The following CBY1 variants were observed in gnomAD, a reference collection of about 807,000 sequenced individuals.
The protein encoded by CBY1 is chibby 1, beta catenin antagonist.
A neutral mutation model predicts 15.6 loss-of-function variants in CBY1; 10 were observed. That is an observed-to-expected ratio of 0.64 (90% confidence interval 0.40 to 1.09). The LOEUF (loss-of-function observed/expected upper bound fraction) is 1.09, where lower values mean the gene tolerates loss of function less well. Among genes scored for constraint, CBY1 ranks in the 50% least tolerant of loss-of-function variants. The probability of loss-of-function intolerance (pLI) is 0.01; values close to 1 mark genes in which losing one functional copy is unlikely to be tolerated. For missense variants in CBY1, 150 were observed against 160.5 expected, an observed-to-expected ratio of 0.93 and a Z score of 0.35; for synonymous variants, 61 against 63.5, an observed-to-expected ratio of 0.96 and a Z score of 0.19.
chr22:38,666,235 T>A (rs55726721), intron 1 of CBY1, among the ~76,000 whole-genome samples: 19,598 of 121,106 alleles, frequency 0.16, 1,397 homozygotes, highest in Non-Finnish European at 0.19. Context: ...ATATATATAT[T>A]TTTTTTTCTT....
intron 1 of CBY1, among the ~76,000 whole-genome samples, chr22:38,662,301 C>CAA (rs34580405): frequency 0.29 from 38,517 of 132,380 alleles, 5,277 homozygotes; most frequent in East Asian, 0.37. Context: ...GACTCTGTCT[C>CAA]AAAAAAAAAA....
At chr22:38,673,097 T>C in intron 4 of CBY1, 62 bp from the exon 5 acceptor site, 1 of 1,237,882 alleles carries the variant, frequency 8.1e-7, no homozygotes, top group Non-Finnish European at 1.2e-6. Context: ...GGGCCGGCCT[T>C]GCTAACCCGA....
chr22:38,670,698 T>A, intron 2 of CBY1, 186 bp from the exon 3 acceptor site: 1 of 574,994 alleles, frequency 1.7e-6, no homozygotes, highest in Non-Finnish European at 3.1e-6. Context: ...AAACAGTATA[T>A]TTTTTATCTC....
In CBY1 at chr22:38,671,908, A is replaced by T. The variant is rs942631262; in HGVS notation, c.303+720A>T. Reference sequence around the variant, plus strand: ...GGAGGCTAAGACAGGAGGATGGCTTAACCTCAGGAGTTTGAGAGCAGCCTT... The same window carrying T: ...GGAGGCTAAGACAGGAGGATGGCTTTACCTCAGGAGTTTGAGAGCAGCCTT... On this transcript the variant is annotated intron_variant, in intron 4 of 4. Coordinates refer to ENST00000216029, the MANE Select transcript of CBY1 (RefSeq NM_015373.4). Among the ~76,000 whole-genome samples the T allele has an allele frequency of 3.3e-5, 5 of 152,006 alleles. 1 individual carries two copies. In the South Asian group the frequency reaches 1.0e-3, roughly 32 times the overall value.
rs2092458971 is a variant in CBY1, at chr22:38,673,466, C to T, written c.*230C>T. 4.5e-6 allele frequency: 2 copies of T among 444,746 alleles called. No individual in the cohort carries two copies. The highest frequency in any genetic ancestry group is 2.2e-5 in the South Asian group (1 of 45,830). 27.5% of individuals were successfully genotyped at this position (444,746 alleles called of 1,614,324 possible). Reference sequence around the variant, plus strand: ...CTGCCTGCGGGTGCCAGTCTGAAAACCAGACCGCACAGAGGCCTGGGGCTG... The same window carrying T: ...CTGCCTGCGGGTGCCAGTCTGAAAATCAGACCGCACAGAGGCCTGGGGCTG... On this transcript the variant is annotated 3_prime_UTR_variant, in exon 5 of 5. Transcript: ENST00000216029.
intron 1 of CBY1, among the ~76,000 whole-genome samples, chr22:38,659,722 T>C (rs1422349018): frequency 2.0e-5 from 3 of 151,256 alleles, no homozygotes; most frequent in Admixed American, 6.6e-5. Flanking sequence ...ATTGCCCAGG[T>C]GTGGTGGCAG....
chr22:38,657,982 T>C (rs1359598295), intron 1 of CBY1, among the ~76,000 whole-genome samples: 4 of 152,234 alleles, frequency 2.6e-5, no homozygotes, highest in Non-Finnish European at 4.4e-5. Flanking sequence ...TAATTTTATA[T>C]TGTACCATAT....
rs948406334 is a variant in CBY1 at position 38,673,302 on chromosome 22, G to C, written c.*66G>C. ...GTGCTTTTTTTTTGGCCAGACTAGC[G>C]GATTCAGTCCTGGAAGAGAGTATCA... On this transcript the variant is annotated 3_prime_UTR_variant, in exon 5 of 5. Transcript: ENST00000216029. The C allele has an allele frequency of 2.0e-6, 2 of 1,012,512 alleles. No homozygotes were observed. The highest frequency in any genetic ancestry group is 3.1e-6 in the Non-Finnish European group (2 of 637,870). The allele number at this position is 1,012,512 out of a possible 1,614,324, so 62.7% of individuals were successfully genotyped here.
chr22:38,660,460 G>A (rs1287366328), intron 1 of CBY1, among the ~76,000 whole-genome samples: 1 of 152,056 alleles, frequency 6.6e-6, no homozygotes, highest in Non-Finnish European at 1.5e-5. Flanking sequence ...CTCCCAAAGT[G>A]CTGGGATTAC....
At chr22:38,671,693 G>A (rs1379647130) in intron 4 of CBY1, 1 of 161,482 alleles carries the variant, frequency 6.2e-6, no homozygotes, top group Non-Finnish European at 1.4e-5. Context: ...TGGGCCTAGA[G>A]GAGCCTGTGA....
intron 4 of CBY1, among the ~76,000 whole-genome samples, chr22:38,672,526 G>C (rs1603121857): frequency 1.3e-5 from 2 of 152,036 alleles, no homozygotes; most frequent in African/African-American, 4.8e-5. Flanking sequence ...ATGTTGGCCA[G>C]GCTGGTCTCC....
chr22:38,658,771 C>T (rs1368110827), intron 1 of CBY1, among the ~76,000 whole-genome samples: 2 of 151,646 alleles, frequency 1.3e-5, no homozygotes, highest in Admixed American at 6.6e-5. Context: ...CCACCACGCC[C>T]GGCCTATTCT....
chr22:38,664,470 C>CAAAAAAAAAAAAAAAAA (rs35322853), intron 1 of CBY1, among the ~76,000 whole-genome samples: 1 of 92,038 alleles, frequency 1.1e-5, no homozygotes. Flanking sequence ...GACTCCATCT[C>CAAAAAAAAAAAAAAAAA]AAAAAAAAAA....
Position 38,671,123 on chromosome 22 carries a change from C to T in CBY1, c.238C>T (p.Arg80Trp), listed in dbSNP as rs143403345. The change falls in exon 4 of 5, where the codon CGG becomes TGG. Residue 80 changes from arginine to tryptophan, a missense_variant. Physicochemically the swap from Arg to Trp is moderately radical, Grantham distance 101. Transcript: ENST00000216029. Reference sequence around the variant, plus strand: ...GAGGGAGGTTCAGCGCCTTCGCAGGCGGAACCAGCAGTTGGAGGAAGAGAA... The same window carrying T: ...GAGGGAGGTTCAGCGCCTTCGCAGGTGGAACCAGCAGTTGGAGGAAGAGAA... ...DRREVQRLRR[R>W]NQQLEEENNL... 7.0e-4 allele frequency: 1,130 copies of T among 1,614,170 alleles called. 6 individuals carry two copies. The highest frequency in any genetic ancestry group is 5.4e-3 in the Admixed American group (322 of 60,016).
intron 2 of CBY1, 110 bp from the exon 3 acceptor site, chr22:38,670,774 G>A (rs2092450107): frequency 2.9e-6 from 2 of 691,450 alleles, no homozygotes; most frequent in Non-Finnish European, 5.1e-6. Flanking sequence ...AAGGTGCCAA[G>A]TAATGATTAG....
chr22:38,656,832 C>T (rs1177993353), intron 1 of CBY1, 82 bp downstream of exon 1: 1 of 152,190 alleles, frequency 6.6e-6, no homozygotes, highest in Non-Finnish European at 1.5e-5. Flanking sequence ...GTCCGGGCCT[C>T]GCCTGGAGAG....
intron 1 of CBY1, among the ~76,000 whole-genome samples, chr22:38,658,123 TTTTC>T (rs939728396): frequency 5.8e-4 from 89 of 152,154 alleles, no homozygotes; most frequent in African/African-American, 1.9e-3. Context: ...TCTTTCTTTC[TTTTC>T]TATTTTTTTT....
Position 38,673,244 on chromosome 22 carries a change from A to G in CBY1, c.*8A>G. The stretch of plus-strand genomic sequence containing the variant: ...AGCCGGAAGAGAAAATGAAGACCCC[A>G]GAGACATTTATTGGGGAGTAGGATG... On this transcript the variant is annotated 3_prime_UTR_variant, in exon 5 of 5. Coordinates refer to ENST00000216029, the MANE Select transcript of CBY1 (RefSeq NM_015373.4). 1.3e-6 allele frequency: 2 copies of G among 1,594,206 alleles called. No homozygotes were observed. Among genetic ancestry groups the G allele is most frequent in the South Asian group, 1.1e-5 (1 of 90,650 alleles).
At chr22:38,660,604 A>ATG (rs1159473700) in intron 1 of CBY1, among the ~76,000 whole-genome samples, 1 of 150,042 alleles carries the variant, frequency 6.7e-6, no homozygotes, top group African/African-American at 2.4e-5. Context: ...TATACCATAT[A>ATG]TGTGTGTGTA....
Sources: gnomAD v4.1 joint callset for allele counts (sites outside exome capture counted in the v4.1 genomes callset) on GRCh38, gnomAD v4.1.1 for gene constraint, MANE v1.5 for transcripts, NCBI Gene and HGNC (gene_info 2026-07-23, HGNC 2026-07-21) for gene names.